Variants in CREB3L2 observed in about 807,000 individuals in gnomAD.
CREB3L2 encodes the protein cAMP responsive element binding protein 3 like 2.
In CREB3L2, 23 loss-of-function variants were observed where a neutral mutation model predicts 57.2. That is an observed-to-expected ratio of 0.40 (90% CI 0.29 to 0.57). The LOEUF (loss-of-function observed/expected upper bound fraction) is 0.57, where lower values mean the gene tolerates loss of function less well. Ranked by LOEUF, CREB3L2 falls within the 20% of genes least tolerant of loss-of-function variation. The probability of loss-of-function intolerance (pLI) is 0.42; values close to 1 mark genes in which losing one functional copy is unlikely to be tolerated. For synonymous variants in CREB3L2, 268 were observed against 265.1 expected, an observed-to-expected ratio of 1.01 and a Z score of -0.11; for missense variants, 628 against 634.7, an observed-to-expected ratio of 0.99 and a Z score of 0.11.
intron 2 of CREB3L2, among the ~76,000 whole-genome samples, chr7:137,927,257 A>AGCACG (rs1370572751): frequency 7.9e-6 from 1 of 126,122 alleles, no homozygotes; most frequent in East Asian, 2.5e-4. Flanking sequence ...GGAACGGAAC[A>AGCACG]GAACGGAAAG....
chr7:137,985,909 C>A, intron 1 of CREB3L2, among the ~76,000 whole-genome samples: 1 of 152,152 alleles, frequency 6.6e-6, no homozygotes, highest in African/African-American at 2.4e-5. Flanking sequence ...CACAATTAGG[C>A]CACAATTCAG....
Position 137,882,595 on chromosome 7 carries a change from T to A in CREB3L2, c.1304A>T (p.His435Leu), listed in dbSNP as rs199561057. 3 of 1,610,002 alleles carry A rather than the reference T, an allele frequency of 1.9e-6. No individual in the cohort carries two copies. The highest frequency in any genetic ancestry group is 2.5e-6 in the Non-Finnish European group (3 of 1,177,028). ...RSRNLLIYEE[H>L]SPPEESSSPG... ...GCTGGATGACTCCTCTGGGGGAGAATGTTCCTCGTAGATCAGCAGGTTTCT... is the reference window on the plus strand; with the variant it reads ...GCTGGATGACTCCTCTGGGGGAGAAAGTTCCTCGTAGATCAGCAGGTTTCT... The change falls in exon 11 of 12, where the codon CAT becomes CTT. Residue 435 changes from histidine (H) to leucine (L), a missense_variant. Physicochemically the swap from His to Leu is moderately conservative, Grantham distance 99 (BLOSUM62 -3). Transcript: ENST00000330387.
chr7:137,962,220 C>G (rs912622946), intron 1 of CREB3L2, among the ~76,000 whole-genome samples: 1 of 152,168 alleles, frequency 6.6e-6, no homozygotes, highest in African/African-American at 2.4e-5. Flanking sequence ...AATTCTAAAG[C>G]TGCCATACAC....
Position 137,880,680 on chromosome 7 carries a change from C to G in CREB3L2, c.1488-129G>C. ...GAGACGGCCTGGGCATGTTTCTTGTCCTTTTCTCTCCTAGTAGCAATTCTC... is the reference window on the plus strand; with the variant it reads ...GAGACGGCCTGGGCATGTTTCTTGTGCTTTTCTCTCCTAGTAGCAATTCTC... On this transcript the variant is annotated intron_variant, in intron 11 of 11. Coordinates refer to ENST00000330387, the MANE Select transcript of CREB3L2 (RefSeq NM_194071.4). The surrounding 1 kb of genome is among the most constrained non-coding windows in gnomAD (Gnocchi z 4.0). 1.4e-6 allele frequency: 1 copy of G among 714,802 alleles called. No individual in the cohort carries two copies. Among genetic ancestry groups the G allele is most frequent in the Admixed American group, 2.1e-5 (1 of 47,828 alleles). 44.3% of individuals were successfully genotyped at this position (714,802 alleles called of 1,614,324 possible).
At chr7:137,888,889 A>G (rs577764133) in intron 8 of CREB3L2, among the ~76,000 whole-genome samples, 1 of 152,118 alleles carries the variant, frequency 6.6e-6, no homozygotes, top group East Asian at 1.9e-4. Context: ...ATGAGGGGGT[A>G]AGGTTTCTCC....
At chr7:137,964,720 C>G (rs1260487150) in intron 1 of CREB3L2, among the ~76,000 whole-genome samples, 1 of 152,112 alleles carries the variant, frequency 6.6e-6, no homozygotes, top group Non-Finnish European at 1.5e-5. Flanking sequence ...AGTCATAATC[C>G]AGTAGTGATA....
intron 3 of CREB3L2, among the ~76,000 whole-genome samples, chr7:137,915,379 C>A (rs377765207): frequency 2.0e-5 from 3 of 151,756 alleles, no homozygotes; most frequent in African/African-American, 4.8e-5. Context: ...TGAATCAATA[C>A]GTGGGACATT....
intron 1 of CREB3L2, among the ~76,000 whole-genome samples, chr7:137,936,881 A>G (rs1490514639): frequency 6.6e-6 from 1 of 152,220 alleles, no homozygotes; most frequent in Admixed American, 6.5e-5. Context: ...AGGTTTTTCA[A>G]CTTGGGAAAA....
intron 8 of CREB3L2, among the ~76,000 whole-genome samples, chr7:137,889,382 G>T (rs550395020): frequency 3.9e-4 from 59 of 152,298 alleles, no homozygotes; most frequent in Non-Finnish European, 5.9e-4. Context: ...TTTCCTGACT[G>T]CACAGCACTT....
In CREB3L2 at chr7:137,924,347, C is replaced by T. The variant is rs114115911; in HGVS notation, c.319+3803G>A. ...CTTGTATCATCTTAGAGGATAGGGGCCATGTCTGGTTCTCTCTGAACAGCC... is the reference window on the plus strand; with the variant it reads ...CTTGTATCATCTTAGAGGATAGGGGTCATGTCTGGTTCTCTCTGAACAGCC... On this transcript the variant is annotated intron_variant, in intron 2 of 11. Coordinates refer to ENST00000330387, the MANE Select transcript of CREB3L2 (RefSeq NM_194071.4). 6.6e-3 allele frequency among the ~76,000 whole-genome samples: 1,003 copies of T among 152,294 alleles called. 9 individuals are homozygous for T. The highest frequency in any genetic ancestry group is 0.023 in the African/African-American group (972 of 41,556).
In CREB3L2 at chr7:137,876,875, C is replaced by CA. The variant is rs1799167438; in HGVS notation, c.*3600dup. Reference sequence around the variant, plus strand: ...GCCCTCTCCGTGTTGGCAAGGTTGGCATGAATGGGCCATTATTCAACTGGG... The same window carrying CA: ...GCCCTCTCCGTGTTGGCAAGGTTGGCAATGAATGGGCCATTATTCAACTGGG... On this transcript the variant is annotated 3_prime_UTR_variant, in exon 12 of 12. Coordinates refer to ENST00000330387, the MANE Select transcript of CREB3L2 (RefSeq NM_194071.4). The CA allele has an allele frequency of 4.3e-6, 1 of 231,926 alleles. No individual in the cohort carries two copies. The highest frequency in any genetic ancestry group is 2.2e-5 in the African/African-American group (1 of 45,272). 14.4% of individuals were successfully genotyped at this position (231,926 alleles called of 1,614,324 possible). A position where few individuals can be genotyped will look rare whatever the true frequency, so the allele number is the denominator to read the frequency against.
chr7:137,989,182 T>G lies in CREB3L2; in HGVS notation c.102+12422A>C, dbSNP rs111570603. ...CTCTGAGTTCCTGGCCTTCTGCAGT[T>G]CGTGCTCTCGCCTGGAAACCAGGCC... On this transcript the variant is annotated intron_variant, in intron 1 of 11. Transcript: ENST00000330387. Among the ~76,000 whole-genome samples the G allele has an allele frequency of 2.6e-5, 4 of 152,308 alleles. 1 individual carries two copies. Among genetic ancestry groups the G allele is most frequent in the African/African-American group, 9.6e-5 (4 of 41,574 alleles).
At chr7:137,998,711 A>T (rs557526523) in intron 1 of CREB3L2, among the ~76,000 whole-genome samples, 48 of 152,378 alleles carry the variant, frequency 3.2e-4, no homozygotes, top group African/African-American at 1.0e-3. Context: ...TAATATTTGT[A>T]AAGCACTAGA....
rs369531461 is a variant in CREB3L2, at chr7:137,916,661, G to A, written c.320-649C>T. ...TAAACCAGGAAGTCGAGGCTTCAGTGAGCTGTGATCACATCATTGTACTCC... is the reference window on the plus strand; with the variant it reads ...TAAACCAGGAAGTCGAGGCTTCAGTAAGCTGTGATCACATCATTGTACTCC... On this transcript the variant is annotated intron_variant, in intron 2 of 11. Transcript: ENST00000330387. Among the ~76,000 whole-genome samples, 82 of 151,926 alleles carry A rather than the reference G, an allele frequency of 5.4e-4. 1 individual carries two copies. Among genetic ancestry groups the A allele is most frequent in the African/African-American group, 1.8e-3 (76 of 41,416 alleles).
At chr7:137,925,261 C>T (rs1432613597) in intron 2 of CREB3L2, among the ~76,000 whole-genome samples, 1 of 152,108 alleles carries the variant, frequency 6.6e-6, no homozygotes, top group Non-Finnish European at 1.5e-5. Context: ...GAGGGAGTTT[C>T]CACTTAACTG....
intron 2 of CREB3L2, among the ~76,000 whole-genome samples, chr7:137,924,915 T>A (rs1800419229): frequency 6.6e-6 from 1 of 152,204 alleles, no homozygotes; most frequent in South Asian, 2.1e-4. Flanking sequence ...CAGTTATTTT[T>A]AACTTTTTTT....
chr7:137,886,690 C>T (rs1232977954), intron 8 of CREB3L2, among the ~76,000 whole-genome samples: 1 of 150,846 alleles, frequency 6.6e-6, no homozygotes, highest in African/African-American at 2.5e-5. Context: ...CAGATTCTAG[C>T]CTTTCTCCAG....
intron 1 of CREB3L2, among the ~76,000 whole-genome samples, chr7:137,992,076 A>C (rs1801908991): frequency 2.0e-5 from 3 of 152,154 alleles, no homozygotes; most frequent in Non-Finnish European, 4.4e-5. Flanking sequence ...AAGTTCAAAT[A>C]AACAGATTAC....
intron 1 of CREB3L2, among the ~76,000 whole-genome samples, chr7:137,938,243 C>T (rs1010608307): frequency 5.9e-5 from 9 of 152,100 alleles, no homozygotes; most frequent in African/African-American, 1.7e-4. Context: ...TTGACAGTGG[C>T]GGAGGCTATG....
Sources: gnomAD v4.1 joint callset for allele counts (sites outside exome capture counted in the v4.1 genomes callset) on GRCh38, gnomAD v4.1.1 for gene constraint, Gnocchi (gnomAD v3.1) non-coding constraint, MANE v1.5 for transcripts, NCBI Gene and HGNC (gene_info 2026-07-23, HGNC 2026-07-21) for gene names.